RAB37: variants seen among roughly 807,000 people sequenced by gnomAD.
RAB37 encodes the protein ras-related protein Rab-37.
In RAB37, 29 loss-of-function variants were observed where a neutral mutation model predicts 33.1. The observed-to-expected ratio is 0.88, with a 90% CI of 0.65 to 1.20. The LOEUF is 1.20. RAB37 is among the 50% of genes most tolerant of loss of function. The pLI, the probability that RAB37 is intolerant of heterozygous loss-of-function variation, is 0.00. For missense variants in RAB37, 299 were observed against 301.1 expected (o/e 0.99, Z 0.05); for synonymous variants, 128 against 119.5 (o/e 1.07, Z -0.47).
At chr17:74,737,133 G>T, upstream of RAB37, 1 of 1,593,182 alleles carries the variant, frequency 6.3e-7, no homozygotes, top group South Asian at 1.1e-5. Flanking sequence ...AGCCGGTGTC[G>T]TCGAGGGGGC....
intron 1 of RAB37, among the ~76,000 whole-genome samples, chr17:74,718,633 T>C (rs2034200548): frequency 6.6e-6 from 1 of 152,222 alleles, no homozygotes; most frequent in Non-Finnish European, 1.5e-5. Flanking sequence ...CCCTTAGCTT[T>C]CATCAGATTC....
At chr17:74,725,630 T>C (rs1299852644) in intron 1 of RAB37, among the ~76,000 whole-genome samples, 1 of 147,326 alleles carries the variant, frequency 6.8e-6, no homozygotes, top group Non-Finnish European at 1.5e-5. Context: ...ATCAGTAGAT[T>C]TTTTTTTTTT....
intron 1 of RAB37, among the ~76,000 whole-genome samples, chr17:74,728,843 T>C (rs1367459773): frequency 6.6e-6 from 1 of 152,152 alleles, no homozygotes; most frequent in African/African-American, 2.4e-5. Flanking sequence ...ATGTGTCTTG[T>C]GCATGTATGT....
At chr17:74,719,348 G>A (rs897036138) in intron 1 of RAB37, among the ~76,000 whole-genome samples, 1 of 152,102 alleles carries the variant, frequency 6.6e-6, no homozygotes, top group Admixed American at 6.6e-5. Flanking sequence ...TACTTGGGAG[G>A]CTGAAGTGGG....
At chr17:74,699,997 C>G (rs933777701) in intron 1 of RAB37, among the ~76,000 whole-genome samples, 11 of 151,866 alleles carry the variant, frequency 7.2e-5, no homozygotes, top group African/African-American at 1.9e-4. Flanking sequence ...CAAAAATTAG[C>G]TGGGTGGGGT....
At chr17:74,686,601 C>T (rs1232947057) in intron 1 of RAB37, among the ~76,000 whole-genome samples, 2 of 152,168 alleles carry the variant, frequency 1.3e-5, no homozygotes, top group East Asian at 3.9e-4. Context: ...GCCATGTTAG[C>T]CAGGCTGGTC....
At chr17:74,708,004 C>A (rs1256890143) in intron 1 of RAB37, among the ~76,000 whole-genome samples, 1 of 151,568 alleles carries the variant, frequency 6.6e-6, no homozygotes, top group Non-Finnish European at 1.5e-5. Flanking sequence ...AAAAATTAGC[C>A]TGGCGTGGTG....
chr17:74,706,015 T>C (rs976555791), intron 1 of RAB37, among the ~76,000 whole-genome samples: 7 of 152,166 alleles, frequency 4.6e-5, no homozygotes, highest in African/African-American at 1.4e-4. Context: ...ATACCGCATG[T>C]TCTCACTTAT....
At chr17:74,683,390 T>C (rs2031991973) in intron 1 of RAB37, among the ~76,000 whole-genome samples, 1 of 152,170 alleles carries the variant, frequency 6.6e-6, no homozygotes, top group African/African-American at 2.4e-5. Flanking sequence ...AGGACCATGG[T>C]TAGCTGCTAT....
rs1220928465 is a variant in RAB37, at chr17:74,743,303, A to G, written c.329A>G (p.Tyr110Cys). 6.2e-7 allele frequency: 1 copy of G among 1,614,002 alleles called. No homozygotes were observed. Among genetic ancestry groups the G allele is most frequent in the Admixed American group, 1.7e-5 (1 of 60,012 alleles). Residue 110 changes from tyrosine to cysteine, a missense_variant, in exon 5 of 9, where the codon TAT (tyrosine) becomes TGT (cysteine). By Grantham distance (194) the Tyr-to-Cys change is radical. Coordinates refer to ENST00000392613, the MANE Select transcript of RAB37 (RefSeq NM_001006638.3). Reference protein sequence around the residue: ...YRDAQALLLLYDITNKSSFDN... With the variant: ...YRDAQALLLLCDITNKSSFDN... ...TCCCCTCCAGCCTTGCTTCTGCTGT[A>G]TGACATCACCAACAAATCTTCTTTC...
At chr17:74,689,438 G>A (rs955917172) in intron 1 of RAB37, among the ~76,000 whole-genome samples, 4 of 151,518 alleles carry the variant, frequency 2.6e-5, no homozygotes, top group African/African-American at 9.7e-5. Context: ...GCAAGACTCT[G>A]TCTGGAAAAA....
Position 74,738,368 on chromosome 17 carries a change from C to T in RAB37, c.93+1003C>T, listed in dbSNP as rs1038086662. Among the ~76,000 whole-genome samples, 2 of 152,180 alleles carry T rather than the reference C, an allele frequency of 1.3e-5. No individual in the cohort carries two copies. The highest frequency in any genetic ancestry group is 2.1e-4 in the South Asian group (1 of 4,822). ...ATCCGCCCAGAGCCGTTGAGATAGG[C>T]GTCCTGTGTGGGCTTGTGGCAGGAA... On this transcript the variant is annotated intron_variant, in intron 1 of 8. Coordinates refer to ENST00000392613, the MANE Select transcript of RAB37 (RefSeq NM_001006638.3). The surrounding 1 kb of genome is among the most constrained non-coding windows in gnomAD (Gnocchi z 5.0).
intron 1 of RAB37, among the ~76,000 whole-genome samples, chr17:74,714,148 T>C (rs2034119001): frequency 6.6e-6 from 1 of 151,738 alleles, no homozygotes; most frequent in East Asian, 1.9e-4. Context: ...GCGGCAGAGG[T>C]TGCAGTGAAC....
rs1555596100 is a variant in RAB37 at position 74,745,114 on chromosome 17, C to A, written c.566+30C>A. On this transcript the variant is annotated intron_variant, in intron 8 of 8. Transcript: ENST00000392613. The surrounding 1 kb of genome is among the most constrained non-coding windows in gnomAD (Gnocchi z 4.5). ...GAGCTGGGCAGGGAAGGGAAGTGTG[C>A]GGGGCAGGGCGGCACACTCCAGGAA... 2 of 1,605,556 alleles carry A rather than the reference C, an allele frequency of 1.2e-6. No homozygotes were observed. Among genetic ancestry groups the A allele is most frequent in the African/African-American group, 1.3e-5 (1 of 74,968 alleles).
intron 1 of RAB37, among the ~76,000 whole-genome samples, chr17:74,725,565 T>C (rs1446068860): frequency 6.6e-6 from 1 of 151,790 alleles, no homozygotes; most frequent in Non-Finnish European, 1.5e-5. Context: ...TGCTTGTAAA[T>C]AGACCAGCGC....
intron 1 of RAB37, among the ~76,000 whole-genome samples, chr17:74,725,701 G>A (rs56256685): frequency 0.018 from 2,682 of 151,570 alleles, 32 homozygotes; most frequent in Non-Finnish European, 0.026. Context: ...TTGGCTCACC[G>A]CAACCTCCAC....
chr17:74,720,359 T>C (rs1290429727), intron 1 of RAB37, among the ~76,000 whole-genome samples: 1 of 151,866 alleles, frequency 6.6e-6, no homozygotes, highest in Non-Finnish European at 1.5e-5. Context: ...CCGAGGTGGG[T>C]GGATCACCTG....
At chr17:74,703,615 A>G (rs961883899) in intron 1 of RAB37, among the ~76,000 whole-genome samples, 3 of 152,212 alleles carry the variant, frequency 2.0e-5, no homozygotes, top group South Asian at 4.1e-4. Flanking sequence ...CAAAACTTCA[A>G]TGATGGGGAT....
At position 74,745,066 on chromosome 17, in the gene RAB37, C is replaced by G; in HGVS notation, c.548C>G (p.Ala183Gly). The change falls in exon 8 of 9, where the codon GCC (alanine) becomes GGC (glycine). Residue 183 changes from alanine to glycine, a missense_variant. Ala to Gly is a moderately conservative substitution (Grantham distance 60). Coordinates refer to ENST00000392613, the MANE Select transcript of RAB37 (RefSeq NM_001006638.3). This position sits in a 1 kb window ranked among gnomAD's most constrained non-coding sequence, Gnocchi z 4.5. ...AAGACTGGCATGAATGTGGAGTTAG[C>G]CTTTCTGGCCATCGCCAAGTGAGAG... ...SAKTGMNVEL[A>G]FLAIAKELKY... 1.2e-6 allele frequency: 2 copies of G among 1,614,206 alleles called. No homozygotes were observed. The highest frequency in any genetic ancestry group is 8.5e-7 in the Non-Finnish European group (1 of 1,180,042).
Sources: gnomAD v4.1 joint callset for allele counts (sites outside exome capture counted in the v4.1 genomes callset) on GRCh38, gnomAD v4.1.1 for gene constraint, Gnocchi (gnomAD v3.1) non-coding constraint, MANE v1.5 for transcripts, NCBI Gene and HGNC (gene_info 2026-07-23, HGNC 2026-07-21) for gene names.